The following TXNDC16 variants were observed in gnomAD, a reference collection of about 807,000 sequenced individuals.
The protein encoded by TXNDC16 is thioredoxin domain containing 16, also known as thioredoxin domain-containing protein 16.
Under a neutral mutation model 85.6 loss-of-function variants are expected in TXNDC16, and 74 were observed. That is an observed-to-expected ratio of 0.86 (90% CI 0.72 to 1.05). The LOEUF is 1.05. Ranked by LOEUF, TXNDC16 falls within the 50% of genes least tolerant of loss-of-function variation. TXNDC16 has a pLI of 0.00. For missense variants in TXNDC16, 959 were observed against 947.0 expected, an observed-to-expected ratio of 1.01 and a Z score of -0.17; for synonymous variants, 335 against 326.5, an observed-to-expected ratio of 1.03 and a Z score of -0.28.
At chr14:52,450,032 G>C (rs2035371994) in intron 18 of TXNDC16, among the ~76,000 whole-genome samples, 2 of 151,986 alleles carry the variant, frequency 1.3e-5, no homozygotes, top group Admixed American at 6.5e-5. Context: ...TAAAGAACTA[G>C]AAAAGCAAGA....
chr14:52,497,541 G>A (rs1216730258), intron 9 of TXNDC16, among the ~76,000 whole-genome samples: 2 of 152,302 alleles, frequency 1.3e-5, no homozygotes, highest in East Asian at 1.9e-4. Context: ...AGAGCAGTAT[G>A]AGCAATATCC....
chr14:52,532,819 C>G (rs923839524), intron 6 of TXNDC16, among the ~76,000 whole-genome samples: 1 of 152,012 alleles, frequency 6.6e-6, no homozygotes, highest in Non-Finnish European at 1.5e-5. Flanking sequence ...CTGGGTATTT[C>G]AAACTGATGG....
At chr14:52,480,736 A>T (rs2036124950) in intron 14 of TXNDC16, among the ~76,000 whole-genome samples, 1 of 152,126 alleles carries the variant, frequency 6.6e-6, no homozygotes, top group South Asian at 2.1e-4. Context: ...AATGTAAACT[A>T]GTACAACCAC....
In TXNDC16 at chr14:52,477,799, C is replaced by T. The variant is rs145491828; in HGVS notation, c.1312+4431G>A. Among the ~76,000 whole-genome samples the T allele has an allele frequency of 2.6e-5, 4 of 152,106 alleles. No homozygotes were observed. The East Asian group carries it at 7.7e-4, about 29-fold the overall frequency. ...CAGAAGGTCAACAAAGAAACAATGG[C>T]TTTAAACTATACCCTGGTACAAATG... On this transcript the variant is annotated intron_variant, in intron 14 of 20. Transcript: ENST00000281741.
At chr14:52,434,751 C>T (rs943621752) in intron 20 of TXNDC16, among the ~76,000 whole-genome samples, 2 of 152,222 alleles carry the variant, frequency 1.3e-5, no homozygotes, top group African/African-American at 4.8e-5. Flanking sequence ...AACAGAGATG[C>T]TGAGAGCAGG....
intron 1 of TXNDC16, among the ~76,000 whole-genome samples, chr14:52,544,989 A>G (rs1240712111): frequency 2.6e-5 from 4 of 152,178 alleles, no homozygotes; most frequent in Non-Finnish European, 4.4e-5. Context: ...ATGTTTTAAA[A>G]TAGGTCATCC....
chr14:52,539,505 A>C (rs568128597), intron 4 of TXNDC16, among the ~76,000 whole-genome samples: 1 of 152,338 alleles, frequency 6.6e-6, no homozygotes, highest in South Asian at 2.1e-4. Flanking sequence ...ATTTGATCAT[A>C]ATTGGAATGA....
intron 20 of TXNDC16, among the ~76,000 whole-genome samples, chr14:52,435,492 G>A (rs1390900079): frequency 6.6e-6 from 1 of 152,134 alleles, no homozygotes; most frequent in East Asian, 1.9e-4. Flanking sequence ...AGTAGTCAAA[G>A]ATGACTGATA....
chr14:52,493,216 T>TATATATATATATATATATATA, intron 9 of TXNDC16, among the ~76,000 whole-genome samples: 1 of 115,998 alleles, frequency 8.6e-6, no homozygotes, highest in African/African-American at 3.5e-5. Flanking sequence ...TATATATATA[T>TATATATATATATATATATATA]ACACACACAC....
chr14:52,459,139 AC>A (rs2035598454), intron 16 of TXNDC16, among the ~76,000 whole-genome samples: 5 of 152,206 alleles, frequency 3.3e-5, no homozygotes, highest in Admixed American at 3.3e-4. Context: ...CATAAAATAA[AC>A]ATATTTATTT....
intron 6 of TXNDC16, among the ~76,000 whole-genome samples, chr14:52,534,477 G>A (rs993390321): frequency 4.6e-5 from 7 of 152,066 alleles, no homozygotes; most frequent in South Asian, 4.1e-4. Flanking sequence ...TTCTTCTTCC[G>A]ATGTGGCCCA....
intron 12 of TXNDC16, among the ~76,000 whole-genome samples, chr14:52,486,070 T>C (rs995609811): frequency 2.6e-5 from 4 of 152,132 alleles, no homozygotes; most frequent in Non-Finnish European, 5.9e-5. Context: ...AATACCAAAC[T>C]TAGTAAAGAC....
intron 17 of TXNDC16, among the ~76,000 whole-genome samples, chr14:52,456,056 C>G (rs542909082): frequency 6.6e-6 from 1 of 152,156 alleles, no homozygotes; most frequent in Non-Finnish European, 1.5e-5. Flanking sequence ...CCCACAATCC[C>G]TTTCGCTAAC....
chr14:52,457,524 T>C (rs1346583097), intron 16 of TXNDC16, among the ~76,000 whole-genome samples: 1 of 152,164 alleles, frequency 6.6e-6, no homozygotes, highest in African/African-American at 2.4e-5. Context: ...CTGTCTTATG[T>C]GTAGCCTGAA....
Position 52,490,425 on chromosome 14 carries a change from T to C in TXNDC16, c.950A>G (p.Gln317Arg), listed in dbSNP as rs755835079. ...TCTTTTGAAGACCACATTAGCATCT[T>C]GAGGAATGTTCACTTCCAAAGAGTC... ...LRDSLEVNIP[Q>R]DANVVFKRAE... Residue 317 changes from glutamine to arginine, a missense_variant, in exon 11 of 21, where the codon CAA becomes CGA. Physicochemically the swap from Gln to Arg is conservative, Grantham distance 43. Transcript: ENST00000281741. The C allele has an allele frequency of 3.1e-6, 5 of 1,602,554 alleles. No homozygotes were observed. Among genetic ancestry groups the C allele is most frequent in the Non-Finnish European group, 4.3e-6 (5 of 1,175,914 alleles).
chr14:52,541,763 G>A (rs1254341039), intron 4 of TXNDC16, among the ~76,000 whole-genome samples: 1 of 152,126 alleles, frequency 6.6e-6, no homozygotes, highest in Non-Finnish European at 1.5e-5. Flanking sequence ...TAAATTCTAA[G>A]TTTAAATTAA....
chr14:52,465,113 T>A (rs1034231952), intron 16 of TXNDC16, among the ~76,000 whole-genome samples: 4 of 152,212 alleles, frequency 2.6e-5, no homozygotes, highest in African/African-American at 4.8e-5. Flanking sequence ...TGTAAATTTG[T>A]AGAAAGCAAA....
intron 6 of TXNDC16, among the ~76,000 whole-genome samples, chr14:52,529,344 G>C (rs2037419782): frequency 6.7e-6 from 1 of 150,180 alleles, no homozygotes; most frequent in Non-Finnish European, 1.5e-5. Context: ...AGGGGGGAGG[G>C]ATAGCATTAG....
At chr14:52,495,705 A>G (rs924981959) in intron 9 of TXNDC16, among the ~76,000 whole-genome samples, 5 of 152,172 alleles carry the variant, frequency 3.3e-5, no homozygotes, top group African/African-American at 1.2e-4. Flanking sequence ...TGTGTAAAAT[A>G]CACACCTCTC....
Sources: allele counts gnomAD v4.1 joint callset (sites outside exome capture counted in the v4.1 genomes callset), GRCh38; gene constraint gnomAD v4.1.1; transcripts MANE v1.5; gene names NCBI Gene and HGNC (gene_info 2026-07-23, HGNC 2026-07-21).